Variants in SIRT1 observed in about 807,000 individuals in gnomAD.
SIRT1 encodes the protein sirtuin 1.
Under a neutral mutation model 67.9 loss-of-function variants are expected in SIRT1, and 24 were observed. The ratio of observed to expected loss-of-function variants is 0.35; its 90% CI spans 0.26 to 0.50. SIRT1 has a LOEUF of 0.50. Among genes scored for constraint, SIRT1 ranks in the 20% least tolerant of loss-of-function variants. The pLI is 0.98. For synonymous variants in SIRT1, 378 were observed against 350.7 expected (o/e 1.08, Z -0.87); for missense variants, 873 against 937.2 (o/e 0.93, Z 0.89).
intron 1 of SIRT1, among the ~76,000 whole-genome samples, chr10:67,886,994 C>T (rs571959897): frequency 6.6e-6 from 1 of 151,960 alleles, no homozygotes; most frequent in Admixed American, 6.6e-5. Flanking sequence ...GCCTCAGCCT[C>T]CTGAGTAGTT....
At chr10:67,913,061 G>A in intron 8 of SIRT1, 30 bp downstream of exon 8, 1 of 1,560,798 alleles carries the variant, frequency 6.4e-7, no homozygotes, top group Non-Finnish European at 8.6e-7. Context: ...CATTTTGAAA[G>A]TATAAATGTC....
rs760972675 is a variant in SIRT1, at chr10:67,914,698, AT to A, written c.1916-1558del. Reference sequence around the variant, plus strand: ...GAAACAGAGTTAACCTGGAACAGTCATTTTTTTTTAAATTTATTTATTTTTT... The same window carrying A: ...GAAACAGAGTTAACCTGGAACAGTCATTTTTTTTAAATTTATTTATTTTTT... On this transcript the variant is annotated intron_variant, in intron 8 of 8. Coordinates refer to ENST00000212015, the MANE Select transcript of SIRT1 (RefSeq NM_012238.5). Among the ~76,000 whole-genome samples the A allele has an allele frequency of 1.3e-4, 19 of 151,192 alleles. 1 individual carries two copies. The highest frequency in any genetic ancestry group is 4.4e-4 in the African/African-American group (18 of 41,224).
At chr10:67,896,757 G>A (rs1377127720) in intron 4 of SIRT1, among the ~76,000 whole-genome samples, 4 of 83,104 alleles carry the variant, frequency 4.8e-5, no homozygotes, top group African/African-American at 2.2e-4. Context: ...GCAAGAATCT[G>A]TCTCAAAAAA....
At chr10:67,909,499 G>A in intron 7 of SIRT1, 57 bp downstream of exon 7, 10 of 1,449,992 alleles carry the variant, frequency 6.9e-6, no homozygotes, top group Non-Finnish European at 9.4e-6. Flanking sequence ...TGGGTTGTGG[G>A]TCTGTATAAT....
intron 4 of SIRT1, among the ~76,000 whole-genome samples, chr10:67,902,149 C>G (rs35620729): frequency 6.6e-6 from 1 of 151,950 alleles, no homozygotes; most frequent in Non-Finnish European, 1.5e-5. Context: ...TCTCCACGCC[C>G]GGCTAGTTAT....
At chr10:67,913,979 CAT>C (rs1564894925) in intron 8 of SIRT1, among the ~76,000 whole-genome samples, 1 of 150,514 alleles carries the variant, frequency 6.6e-6, no homozygotes, top group East Asian at 2.0e-4. Context: ...GAGTGATACT[CAT>C]TAATACTTTG....
Position 67,891,387 on chromosome 10 carries a change from C to T in SIRT1, c.790-15C>T. ...AGAAGATTTAATTTTACAAATTATG[C>T]CATGCACATTTTAGGTGTCTGTTTC... is the stretch of plus-strand genomic sequence containing the variant. On this transcript the variant is annotated splice_polypyrimidine_tract_variant and intron_variant, in intron 3 of 8. Coordinates refer to ENST00000212015, the MANE Select transcript of SIRT1 (RefSeq NM_012238.5). 1 of 1,611,722 alleles carries T rather than the reference C, an allele frequency of 6.2e-7. No individual in the cohort carries two copies. The highest frequency in any genetic ancestry group is 1.7e-5 in the Admixed American group (1 of 59,812).
rs1446726608 is a variant in SIRT1, at chr10:67,884,903, C to T, written c.182C>T (p.Pro61Leu). 5.0e-5 allele frequency: 61 copies of T among 1,222,096 alleles called. No homozygotes were observed. Among genetic ancestry groups the T allele is most frequent in the South Asian group, 2.9e-4 (7 of 24,388 alleles). The allele number at this position is 1,222,096 out of a possible 1,614,324, so 75.7% of individuals were successfully genotyped here. Reference protein sequence around the residue: ...PGGAAPEREVPAAARGCPGAA... With the variant: ...PGGAAPEREVLAAARGCPGAA... The stretch of plus-strand genomic sequence containing the variant: ...GGGGCGGCCCCAGAGCGTGAGGTGC[C>T]GGCGGCGGCCAGGGGCTGCCCGGGT... Residue 61 changes from proline (P) to leucine (L), a missense_variant, in exon 1 of 9, where the codon CCG (proline) becomes CTG (leucine). Physicochemically the swap from Pro to Leu is moderately conservative, Grantham distance 98. Coordinates refer to ENST00000212015, the MANE Select transcript of SIRT1 (RefSeq NM_012238.5).
intron 2 of SIRT1, among the ~76,000 whole-genome samples, chr10:67,888,629 G>T (rs1842523084): frequency 6.6e-6 from 1 of 152,056 alleles, no homozygotes; most frequent in African/African-American, 2.4e-5. Flanking sequence ...ACTTAATTCT[G>T]GTTGTTAATT....
rs1386701875 is a variant in SIRT1 at position 67,912,530 on chromosome 10, C to T, written c.1414C>T (p.Leu472=). The T allele has an allele frequency of 1.2e-6, 2 of 1,613,936 alleles. No homozygotes were observed. The highest frequency in any genetic ancestry group is 3.3e-5 in the Admixed American group (2 of 59,988). The change falls in exon 8 of 9, where the codon CTG becomes TTG. Residue 472 remains leucine, a synonymous_variant. Transcript: ENST00000212015. ...AATTAATAGAGAACCTTTGCCTCAT[C>T]TGCATTTTGATGTAGAGCTTCTTGG... ...ILINREPLPH[L]HFDVELLGDC... is the part of the protein sequence containing the mutation.
chr10:67,885,246 G>A lies in SIRT1; in HGVS notation c.430+95G>A, dbSNP rs901545448. On this transcript the variant is annotated intron_variant, in intron 1 of 8. Coordinates refer to ENST00000212015, the MANE Select transcript of SIRT1 (RefSeq NM_012238.5). ...GGTTGAGGGCGGCTGGGGGCTCGGG[G>A]CAGGCTCCGCGGCGTTCCCCTCCCC... 9.6e-6 allele frequency: 12 copies of A among 1,254,236 alleles called. No individual in the cohort carries two copies. In the South Asian group the frequency reaches 9.6e-5, roughly 10 times the overall value. The allele number at this position is 1,254,236 out of a possible 1,614,324, so 77.7% of individuals were successfully genotyped here. A position where few individuals can be genotyped will look rare whatever the true frequency, so the allele number is the denominator to read the frequency against.
At chr10:67,888,098 A>T (rs2131847534) in intron 2 of SIRT1, among the ~76,000 whole-genome samples, 1 of 152,326 alleles carries the variant, frequency 6.6e-6, no homozygotes. Flanking sequence ...TGCCTAAAAA[A>T]GTGCCTGGCA....
At chr10:67,894,320 A>C (rs974292394) in intron 4 of SIRT1, among the ~76,000 whole-genome samples, 1 of 152,252 alleles carries the variant, frequency 6.6e-6, no homozygotes, top group Non-Finnish European at 1.5e-5. Context: ...ATGGTCATCT[A>C]TATCTAGCTT....
chr10:67,886,845 G>C (rs1468282800), intron 1 of SIRT1, among the ~76,000 whole-genome samples: 4 of 151,476 alleles, frequency 2.6e-5, no homozygotes, highest in Non-Finnish European at 5.9e-5. Flanking sequence ...ATTCTAGCTA[G>C]ATTATTATCT....
intron 8 of SIRT1, among the ~76,000 whole-genome samples, chr10:67,914,115 A>C (rs1842943765): frequency 8.4e-6 from 1 of 119,198 alleles, no homozygotes; most frequent in African/African-American, 3.3e-5. Context: ...TCTGTCGCCC[A>C]GGCTGGAGTG....
intron 8 of SIRT1, among the ~76,000 whole-genome samples, chr10:67,915,383 C>T (rs1426128877): frequency 6.6e-6 from 1 of 152,208 alleles, no homozygotes; most frequent in Admixed American, 6.5e-5. Flanking sequence ...GGATCCTACT[C>T]TTTCACTTAA....
Position 67,916,666 on chromosome 10 carries a change from C to G in SIRT1, c.*73C>G. ...TTTAGCATGTCAAAATGAATGTTTA[C>G]TTGTGAACTCGATAGAGCAAGGAAA... On this transcript the variant is annotated 3_prime_UTR_variant, in exon 9 of 9. Transcript: ENST00000212015. The G allele has an allele frequency of 7.9e-7, 1 of 1,267,596 alleles. No homozygotes were observed. Among genetic ancestry groups the G allele is most frequent in the South Asian group, 1.5e-5 (1 of 66,272 alleles). 78.5% of individuals were successfully genotyped at this position (1,267,596 alleles called of 1,614,324 possible).
In SIRT1 at chr10:67,906,820, C is replaced by T; in HGVS notation, c.973C>T (p.Leu325Phe). The T allele has an allele frequency of 6.2e-7, 1 of 1,612,866 alleles. No individual in the cohort carries two copies. The highest frequency in any genetic ancestry group is 8.5e-7 in the Non-Finnish European group (1 of 1,179,636). The change falls in exon 5 of 9, where the codon CTC becomes TTC. Residue 325 changes from leucine (L) to phenylalanine (F), a missense_variant. By Grantham distance (22) the Leu-to-Phe change is conservative. Transcript: ENST00000212015. ...ATATCCTGGACAATTCCAGCCATCT[C>T]TCTGTCACAAATTCATAGCCTTGTC... ...EIYPGQFQPS[L>F]CHKFIALSDK...
intron 6 of SIRT1, among the ~76,000 whole-genome samples, chr10:67,908,894 T>TC (rs1478288881): frequency 6.6e-6 from 1 of 152,098 alleles, no homozygotes; most frequent in Non-Finnish European, 1.5e-5. Flanking sequence ...AGAACAAGAC[T>TC]CCATCTCAAA....
Sources: allele counts gnomAD v4.1 joint callset (sites outside exome capture counted in the v4.1 genomes callset), GRCh38; gene constraint gnomAD v4.1.1; transcripts MANE v1.5; gene names NCBI Gene and HGNC (gene_info 2026-07-23, HGNC 2026-07-21).